ATF7IP: variants seen among roughly 807,000 people sequenced by gnomAD.
The protein encoded by ATF7IP is activating transcription factor 7-interacting protein 1.
Under a neutral mutation model 106.4 loss-of-function variants are expected in ATF7IP, and 23 were observed. The ratio of observed to expected loss-of-function variants is 0.22; its 90% CI spans 0.16 to 0.31. ATF7IP has a LOEUF of 0.31. Ranked by LOEUF, ATF7IP falls within the 10% of genes least tolerant of loss-of-function variation. The pLI is 1.00. For missense variants in ATF7IP, 1,334 were observed against 1,524.3 expected (o/e 0.88, Z 2.08); for synonymous variants, 542 against 539.0 (o/e 1.01, Z -0.08).
intron 1 of ATF7IP, among the ~76,000 whole-genome samples, chr12:14,394,427 A>C (rs998204370): frequency 5.3e-5 from 8 of 152,178 alleles, no homozygotes; most frequent in African/African-American, 1.9e-4. Flanking sequence ...CCTGGATTTG[A>C]ATTCTATTCA....
intron 13 of ATF7IP, among the ~76,000 whole-genome samples, chr12:14,486,653 T>G (rs1944626765): frequency 6.6e-6 from 1 of 152,346 alleles, no homozygotes; most frequent in South Asian, 2.1e-4. Context: ...TGATTAATTA[T>G]CCAATGCTAG....
intron 4 of ATF7IP, among the ~76,000 whole-genome samples, chr12:14,437,167 C>T (rs972594403): frequency 4.6e-5 from 7 of 152,098 alleles, no homozygotes; most frequent in Admixed American, 1.3e-4. Flanking sequence ...TGTTTTTCAA[C>T]ATGTGTTCAC....
intron 13 of ATF7IP, among the ~76,000 whole-genome samples, chr12:14,493,229 C>T (rs1014627963): frequency 3.9e-5 from 6 of 152,212 alleles, no homozygotes; most frequent in Non-Finnish European, 7.3e-5. Context: ...CCACCATAAT[C>T]TCATACCCTT....
At chr12:14,451,043 T>C (rs1943183302) in intron 6 of ATF7IP, among the ~76,000 whole-genome samples, 1 of 152,100 alleles carries the variant, frequency 6.6e-6, no homozygotes, top group Non-Finnish European at 1.5e-5. Context: ...AGGCTTTTTT[T>C]GTTAGGAGAT....
chr12:14,435,402 A>G (rs781328843), intron 3 of ATF7IP, among the ~76,000 whole-genome samples: 1 of 152,220 alleles, frequency 6.6e-6, no homozygotes, highest in Non-Finnish European at 1.5e-5. Flanking sequence ...GCATGGTCAC[A>G]TAAGAGCATT....
At chr12:14,463,499 G>A (rs1943716368) in intron 9 of ATF7IP, among the ~76,000 whole-genome samples, 2 of 152,130 alleles carry the variant, frequency 1.3e-5, no homozygotes, top group South Asian at 2.1e-4. Context: ...AGGGAATGTG[G>A]TAATTAAATA....
rs564482821 is a variant in ATF7IP at position 14,494,139 on chromosome 12, T to G, written c.3281-2092T>G. Reference sequence around the variant, plus strand: ...ACTATTAGAATTAGAGTTTTTAACATTTTTGGGTCTAATCACATTAAGCAG... The same window carrying G: ...ACTATTAGAATTAGAGTTTTTAACAGTTTTGGGTCTAATCACATTAAGCAG... On this transcript the variant is annotated intron_variant, in intron 13 of 14. Transcript: ENST00000261168. Among the ~76,000 whole-genome samples, 36 of 151,176 alleles carry G rather than the reference T, an allele frequency of 2.4e-4. 1 individual carries two copies. The highest frequency in any genetic ancestry group is 7.8e-4 in the African/African-American group (32 of 41,204).
intron 3 of ATF7IP, 56 bp downstream of exon 3, chr12:14,434,479 T>G (rs2136611085): frequency 2.8e-6 from 3 of 1,086,974 alleles, no homozygotes; most frequent in South Asian, 2.7e-5. Context: ...TCACTGTTTC[T>G]ATATTTACAA....
intron 12 of ATF7IP, among the ~76,000 whole-genome samples, chr12:14,479,427 A>G (rs1314035874): frequency 6.6e-6 from 1 of 152,156 alleles, no homozygotes; most frequent in Non-Finnish European, 1.5e-5. Context: ...TGTCTTCTGT[A>G]TAGCAGCAGT....
rs377285012 is a variant in ATF7IP, at chr12:14,424,058, A to G, written c.143A>G (p.His48Arg). The G allele has an allele frequency of 6.2e-6, 10 of 1,614,106 alleles. No individual in the cohort carries two copies. The highest frequency in any genetic ancestry group is 8.5e-6 in the Non-Finnish European group (10 of 1,180,038). ...GATGTCAAGCTGTTAAATGGCAACC[A>G]TGAAAATGGAGATTTGGACCCAACC... is the stretch of plus-strand genomic sequence containing the variant. Reference protein sequence around the residue: ...KTDVKLLNGNHENGDLDPTSP... With the variant: ...KTDVKLLNGNRENGDLDPTSP... Residue 48 changes from histidine (H) to arginine (R), a missense_variant, in exon 2 of 15, where the codon CAT becomes CGT. By Grantham distance (29) the His-to-Arg change is conservative. Transcript: ENST00000261168.
At position 14,472,980 on chromosome 12, in the gene ATF7IP, CTG is replaced by C. The variant is rs1208515529; in HGVS notation, c.2863-2906_2863-2905del. ...CTTTTTTCAGCTTTTTACTTTCAATCTGTGTCTTTATATTTAAAGTGAATCCG... is the reference window on the plus strand; with the variant it reads ...CTTTTTTCAGCTTTTTACTTTCAATCTGTCTTTATATTTAAAGTGAATCCG... On this transcript the variant is annotated intron_variant, in intron 10 of 14. Coordinates refer to ENST00000261168, the MANE Select transcript of ATF7IP (RefSeq NM_018179.5). Among the ~76,000 whole-genome samples the C allele has an allele frequency of 2.0e-5, 3 of 152,182 alleles. No homozygotes were observed. In the East Asian group the frequency reaches 5.8e-4, roughly 29 times the overall value.
In ATF7IP at chr12:14,499,037, G is replaced by A. The variant is rs112520718; in HGVS notation, c.*964G>A. The A allele has an allele frequency of 0.1, 15,869 of 152,056 alleles. 1,035 individuals are homozygous for A. The highest frequency in any genetic ancestry group is 0.19 in the African/African-American group (7,821 of 41,444). 9.4% of individuals were successfully genotyped at this position (152,056 alleles called of 1,614,324 possible). ...ATTTTTGTATTTTTAGTAGAGATGG[G>A]GTTTCACCATGTTGGCCAGGCTGGT... On this transcript the variant is annotated 3_prime_UTR_variant, in exon 15 of 15. Transcript: ENST00000261168.
At chr12:14,411,386 A>T (rs1357128071) in intron 1 of ATF7IP, among the ~76,000 whole-genome samples, 1 of 152,176 alleles carries the variant, frequency 6.6e-6, no homozygotes, top group African/African-American at 2.4e-5. Flanking sequence ...TTTACTGCCT[A>T]TGAACTATTG....
At chr12:14,395,230 T>C (rs1384994613) in intron 1 of ATF7IP, 1 of 152,136 alleles carries the variant, frequency 6.6e-6, no homozygotes, top group Non-Finnish European at 1.5e-5. Flanking sequence ...GAAGTCCTTT[T>C]CACAGTGTCA....
chr12:14,374,141 C>A (rs531664597), intron 1 of ATF7IP, among the ~76,000 whole-genome samples: 1 of 150,638 alleles, frequency 6.6e-6, no homozygotes, highest in South Asian at 2.1e-4. Flanking sequence ...TCTGTCACTC[C>A]AGCTGGAGTG....
intron 7 of ATF7IP, 96 bp from the exon 8 acceptor site, chr12:14,457,111 C>G (rs1419574556): frequency 4.7e-6 from 5 of 1,062,252 alleles, no homozygotes; most frequent in Non-Finnish European, 7.0e-6. Flanking sequence ...TCTAGCCACC[C>G]TTTTTCCCCT....
In ATF7IP at chr12:14,397,212, A is replaced by G. The variant is rs141375601; in HGVS notation, c.-7-26697A>G. On this transcript the variant is annotated intron_variant, in intron 1 of 14. Transcript: ENST00000261168. ...AAAAAAACAAAACACCAAAAAAACA[A>G]TGAGGATAAAGGTATATAGTCTTTG... Among the ~76,000 whole-genome samples, 691 of 152,210 alleles carry G rather than the reference A, an allele frequency of 4.5e-3. 2 individuals are homozygous for G. The highest frequency in any genetic ancestry group is 0.016 in the African/African-American group (662 of 41,554).
At chr12:14,452,464 T>C (rs975369417) in intron 6 of ATF7IP, among the ~76,000 whole-genome samples, 3 of 152,092 alleles carry the variant, frequency 2.0e-5, no homozygotes, top group Non-Finnish European at 2.9e-5. Context: ...TTTGGTATAG[T>C]AGTGTGCTTT....
At chr12:14,437,051 G>C (rs1438661212) in intron 4 of ATF7IP, among the ~76,000 whole-genome samples, 1 of 152,078 alleles carries the variant, frequency 6.6e-6, no homozygotes, top group African/African-American at 2.4e-5. Flanking sequence ...GGTAGAGACA[G>C]GGTGTTAAAA....
Sources: gnomAD v4.1 joint callset for allele counts (sites outside exome capture counted in the v4.1 genomes callset) on GRCh38, gnomAD v4.1.1 for gene constraint, MANE v1.5 for transcripts, NCBI Gene and HGNC (gene_info 2026-07-23, HGNC 2026-07-21) for gene names.